The following RBPJ variants were observed in gnomAD, a reference collection of about 807,000 sequenced individuals.
The protein encoded by RBPJ is recombining binding protein suppressor of hairless.
Under a neutral mutation model 67.8 loss-of-function variants are expected in RBPJ, and 9 were observed. The observed-to-expected ratio is 0.13, with a 90% confidence interval of 0.08 to 0.23. The LOEUF is 0.23. Among genes scored for constraint, RBPJ ranks in the 10% least tolerant of loss-of-function variants. The pLI is 1.00. For missense variants in RBPJ, 305 were observed against 595.6 expected, an observed-to-expected ratio of 0.51 and a Z score of 5.08; for synonymous variants, 198 against 203.3, an observed-to-expected ratio of 0.97 and a Z score of 0.22.
intron 1 of RBPJ, among the ~76,000 whole-genome samples, chr4:26,310,944 A>C (rs143798393): frequency 5.9e-5 from 9 of 152,354 alleles, no homozygotes; most frequent in African/African-American, 1.9e-4. Flanking sequence ...TGCTGGGATT[A>C]CAGGCATGAG....
At chr4:26,280,779 G>A (rs990417315) in intron 1 of RBPJ, among the ~76,000 whole-genome samples, 4 of 152,076 alleles carry the variant, frequency 2.6e-5, no homozygotes, top group African/African-American at 7.2e-5. Flanking sequence ...GCATTAAAAT[G>A]TACTACATTT....
At chr4:26,155,165 G>A in the RBPJ span, among the ~76,000 whole-genome samples, 2 of 152,202 alleles carry the variant, frequency 1.3e-5, no homozygotes, top group African/African-American at 4.8e-5. Context: ...ACCTGTACTT[G>A]TATGCATTAA....
chr4:26,319,548 A>C, upstream of RBPJ: 7 of 301,254 alleles, frequency 2.3e-5, no homozygotes, highest in East Asian at 4.0e-4. Flanking sequence ...TGGTCTAGGC[A>C]AACACCTGTC....
At chr4:26,176,473 A>G (rs1716798808) in intron 1 of RBPJ, among the ~76,000 whole-genome samples, 1 of 152,208 alleles carries the variant, frequency 6.6e-6, no homozygotes, top group Non-Finnish European at 1.5e-5. Flanking sequence ...GGGATTCCTG[A>G]ATGCCTTGTT....
chr4:26,284,010 T>C (rs542802338), intron 1 of RBPJ, among the ~76,000 whole-genome samples: 2 of 152,322 alleles, frequency 1.3e-5, no homozygotes, highest in South Asian at 4.1e-4. Flanking sequence ...GCAAATGCTA[T>C]TGGGTAGGTC....
At position 26,246,864 on chromosome 4, in the gene RBPJ, G is replaced by A. The variant is rs112702206; in HGVS notation, c.-167+83250G>A. 8.3e-3 allele frequency among the ~76,000 whole-genome samples: 1,266 copies of A among 152,082 alleles called. 17 individuals carry two copies. The highest frequency in any genetic ancestry group is 0.028 in the African/African-American group (1,164 of 41,434). On this transcript the variant is annotated intron_variant, in intron 1 of 4. Coordinates refer to the RBPJ transcript ENST00000512351. ...TGAGATCTTATCTTGCTGAGGGGCC[G>A]CGCACCACTACTGTACTCAGGTGTG...
intron 1 of RBPJ, chr4:26,362,527 T>C (rs1294483856): frequency 6.3e-7 from 1 of 1,589,034 alleles, no homozygotes; most frequent in Non-Finnish European, 8.5e-7. Flanking sequence ...GAAAGGAGAA[T>C]GATACAGATA....
chr4:26,170,340 A>T (rs1716524414), intron 1 of RBPJ, among the ~76,000 whole-genome samples: 1 of 152,096 alleles, frequency 6.6e-6, no homozygotes, highest in South Asian at 2.1e-4. Flanking sequence ...CAGAAATTTG[A>T]TACCAGCCTG....
intron 1 of RBPJ, among the ~76,000 whole-genome samples, chr4:26,180,148 G>A (rs1215698439): frequency 6.6e-6 from 1 of 152,104 alleles, no homozygotes. Context: ...CAAGGAAGGG[G>A]ACAACAGACA....
At chr4:26,184,789 T>C (rs1401611887) in intron 1 of RBPJ, among the ~76,000 whole-genome samples, 1 of 152,194 alleles carries the variant, frequency 6.6e-6, no homozygotes, top group African/African-American at 2.4e-5. Context: ...AAGTATAGTT[T>C]GTCGGAAGGC....
At chr4:26,126,639 G>A in the RBPJ span, among the ~76,000 whole-genome samples, 1 of 152,154 alleles carries the variant, frequency 6.6e-6, no homozygotes, top group African/African-American at 2.4e-5. Context: ...GCCTTTCTTT[G>A]ATTTTGAGAA....
chr4:26,140,459 C>A, the RBPJ span, among the ~76,000 whole-genome samples: 1 of 152,156 alleles, frequency 6.6e-6, no homozygotes, highest in African/African-American at 2.4e-5. Flanking sequence ...TCACTCTCCC[C>A]CAACTTGGCT....
chr4:26,135,359 A>T, the RBPJ span, among the ~76,000 whole-genome samples: 7 of 151,870 alleles, frequency 4.6e-5, no homozygotes, highest in Non-Finnish European at 7.4e-5. Context: ...GTGTATCCCC[A>T]CTTTACAGAT....
intron 1 of RBPJ, among the ~76,000 whole-genome samples, chr4:26,203,627 T>C (rs528328743): frequency 2.2e-4 from 33 of 152,166 alleles, no homozygotes; most frequent in Non-Finnish European, 4.0e-4. Flanking sequence ...AAAGGCTCTG[T>C]TGAGTGAAAG....
chr4:26,106,179 A>C, the RBPJ span, among the ~76,000 whole-genome samples: 1 of 152,162 alleles, frequency 6.6e-6, no homozygotes, highest in Non-Finnish European at 1.5e-5. Flanking sequence ...CAAACATAAC[A>C]TCCCTTCCCG....
upstream of RBPJ, among the ~76,000 whole-genome samples, chr4:26,315,075 G>C (rs183302130): frequency 4.1e-5 from 6 of 147,988 alleles, no homozygotes; most frequent in African/African-American, 1.5e-4. Flanking sequence ...AACCCAGGAG[G>C]GGGAGGTTGC....
intron 1 of RBPJ, among the ~76,000 whole-genome samples, chr4:26,281,595 T>C (rs1267712436): frequency 3.3e-5 from 5 of 152,236 alleles, no homozygotes; most frequent in Non-Finnish European, 5.9e-5. Context: ...AGATACGACC[T>C]TTAAAATTCT....
At chr4:26,399,149 A>T (rs1043712777) in intron 2 of RBPJ, among the ~76,000 whole-genome samples, 3 of 152,078 alleles carry the variant, frequency 2.0e-5, no homozygotes, top group African/African-American at 7.2e-5. Flanking sequence ...TATCAGCATG[A>T]CTTACGTTCA....
intron 2 of RBPJ, among the ~76,000 whole-genome samples, chr4:26,397,499 C>G (rs1428248776): frequency 1.3e-5 from 2 of 152,154 alleles, no homozygotes; most frequent in African/African-American, 4.8e-5. Context: ...GCAACTTTTC[C>G]TTAAAAACTT....
Sources: gnomAD v4.1 joint callset for allele counts (sites outside exome capture counted in the v4.1 genomes callset) on GRCh38, gnomAD v4.1.1 for gene constraint, MANE v1.5 for transcripts, NCBI Gene and HGNC (gene_info 2026-07-23, HGNC 2026-07-21) for gene names.